The following TANC2 variants were observed in gnomAD, a reference collection of about 807,000 sequenced individuals.
TANC2 encodes the protein tetratricopeptide repeat, ankyrin repeat and coiled-coil containing 2, also known as protein TANC2.
In TANC2, 26 loss-of-function variants were observed where a neutral mutation model predicts 210.5. The observed-to-expected ratio is 0.12, with a 90% confidence interval of 0.09 to 0.17. The LOEUF is 0.17. TANC2 is among the 10% of genes least tolerant of loss of function. The pLI is 1.00. For synonymous variants in TANC2, 931 were observed against 967.1 expected (o/e 0.96, Z 0.69); for missense variants, 2,129 against 2,608.9 (o/e 0.82, Z 4.01).
intron 1 of TANC2, among the ~76,000 whole-genome samples, chr17:63,001,067 GT>G (rs1212157555): frequency 6.7e-6 from 1 of 150,324 alleles, no homozygotes; most frequent in African/African-American, 2.4e-5. Flanking sequence ...ACTTAAGTAT[GT>G]TCTCCTGGTC....
At chr17:63,173,081 C>G (rs2040458959) in intron 5 of TANC2, among the ~76,000 whole-genome samples, 1 of 152,068 alleles carries the variant, frequency 6.6e-6, no homozygotes, top group South Asian at 2.1e-4. Flanking sequence ...TAAGATCAAT[C>G]AGTGTGAGGG....
intron 8 of TANC2, among the ~76,000 whole-genome samples, chr17:63,249,153 G>A (rs1341196317): frequency 6.6e-6 from 1 of 152,152 alleles, no homozygotes; most frequent in African/African-American, 2.4e-5. Context: ...AAATGATAAA[G>A]TGATTAAAGT....
chr17:63,337,516 A>G (rs1302209439), intron 11 of TANC2, among the ~76,000 whole-genome samples: 4 of 150,596 alleles, frequency 2.7e-5, no homozygotes, highest in African/African-American at 4.9e-5. Context: ...TGCTCTTCCT[A>G]TTTCTTTTCT....
At position 63,290,456 on chromosome 17, in the gene TANC2, T is replaced by C. The variant is rs1185035818; in HGVS notation, c.1159+22583T>C. Among the ~76,000 whole-genome samples the C allele has an allele frequency of 2.0e-5, 3 of 152,134 alleles. No individual in the cohort carries two copies. The East Asian group carries it at 5.8e-4, about 29-fold the overall frequency. Reference sequence around the variant, plus strand: ...TGTTGAATTTTTAGTCTGTTCAGGTTTTTACTTGTTGTTAGGATGAAGTGG... The same window carrying C: ...TGTTGAATTTTTAGTCTGTTCAGGTCTTTACTTGTTGTTAGGATGAAGTGG... On this transcript the variant is annotated intron_variant, in intron 9 of 27. Transcript: ENST00000689528.
exon 28 of TANC2, chr17:63,423,299 A>G (rs2049069390): frequency 6.6e-6 from 1 of 152,132 alleles, no homozygotes; most frequent in Non-Finnish European, 1.5e-5. Flanking sequence ...ATAGACAGCA[A>G]GCTTCTGATC....
At chr17:63,202,360 G>A (rs1027110820) in intron 7 of TANC2, among the ~76,000 whole-genome samples, 2 of 152,044 alleles carry the variant, frequency 1.3e-5, no homozygotes, top group Non-Finnish European at 2.9e-5. Context: ...AACATAAATG[G>A]CATTTCTGGG....
At chr17:63,003,235 G>T (rs771334661) in intron 1 of TANC2, among the ~76,000 whole-genome samples, 37 of 152,142 alleles carry the variant, frequency 2.4e-4, no homozygotes, top group Non-Finnish European at 4.0e-4. Flanking sequence ...TATAATTTGG[G>T]TGTGGGTCAT....
Position 63,175,355 on chromosome 17 carries a change from G to A in TANC2, c.434-18636G>A, listed in dbSNP as rs2040539285. On this transcript the variant is annotated intron_variant, in intron 5 of 27. Coordinates refer to ENST00000689528, the Ensembl canonical transcript of TANC2. ...CAGCCCTGGCAACCTAGCAAGATCC[G>A]GTCTCTAGAAAAAATTTAAGAATTA... 2.0e-5 allele frequency among the ~76,000 whole-genome samples: 3 copies of A among 151,702 alleles called. 1 individual carries two copies. In the South Asian group the frequency reaches 6.2e-4, roughly 32 times the overall value.
chr17:63,304,163 C>G (rs1363801246), intron 9 of TANC2, among the ~76,000 whole-genome samples: 1 of 152,102 alleles, frequency 6.6e-6, no homozygotes, highest in East Asian at 1.9e-4. Flanking sequence ...GGAGAAGAGG[C>G]ACTCTGGCCT....
At chr17:63,187,575 G>A (rs2041036541) in intron 5 of TANC2, among the ~76,000 whole-genome samples, 1 of 151,926 alleles carries the variant, frequency 6.6e-6, no homozygotes, top group Non-Finnish European at 1.5e-5. Flanking sequence ...ACATATATGT[G>A]TGTGTTTGTG....
chr17:63,142,750 TA>T (rs1261242649), intron 4 of TANC2, among the ~76,000 whole-genome samples: 1 of 152,196 alleles, frequency 6.6e-6, no homozygotes, highest in African/African-American at 2.4e-5. Flanking sequence ...CATGAAACTT[TA>T]AAAAAAGATA....
intron 14 of TANC2, among the ~76,000 whole-genome samples, chr17:63,373,883 AG>A (rs1362898042): frequency 3.9e-5 from 6 of 152,114 alleles, no homozygotes; most frequent in African/African-American, 1.2e-4. Context: ...TGGGAGGCTG[AG>A]GCAGGAGAAT....
At chr17:63,259,680 C>T (rs2043300954) in intron 8 of TANC2, among the ~76,000 whole-genome samples, 1 of 152,100 alleles carries the variant, frequency 6.6e-6, no homozygotes, top group Non-Finnish European at 1.5e-5. Context: ...ACGAACTCTC[C>T]TAGAACCTTG....
intron 15 of TANC2, among the ~76,000 whole-genome samples, chr17:63,385,327 CACACATAT>C (rs2047743887): frequency 6.6e-6 from 1 of 152,094 alleles, no homozygotes; most frequent in African/African-American, 2.4e-5. Context: ...TCTTGAGGCC[CACACATAT>C]TATAAATTAG....
chr17:63,376,176 G>C (rs755969664), intron 14 of TANC2, among the ~76,000 whole-genome samples: 3 of 151,910 alleles, frequency 2.0e-5, no homozygotes, highest in Non-Finnish European at 4.4e-5. Flanking sequence ...GCTCACACCT[G>C]TAATCCCAGC....
chr17:63,312,538 C>G (rs965458248), intron 9 of TANC2, among the ~76,000 whole-genome samples: 2 of 151,804 alleles, frequency 1.3e-5, no homozygotes, highest in African/African-American at 2.4e-5. Flanking sequence ...GGCTCATTGA[C>G]GTAAAGATGG....
At chr17:63,302,566 C>CTGTTTTGTCA in intron 9 of TANC2, among the ~76,000 whole-genome samples, 1 of 81,854 alleles carries the variant, frequency 1.2e-5, no homozygotes, top group Non-Finnish European at 2.5e-5. Context: ...GGTTTAAAGT[C>CTGTTTTGTCA]TGTTTTGTCA....
chr17:63,098,313 C>G lies in TANC2; in HGVS notation c.140-862C>G, dbSNP rs981982319. Among the ~76,000 whole-genome samples, 5 of 151,776 alleles carry G rather than the reference C, an allele frequency of 3.3e-5. No individual in the cohort carries two copies. In the South Asian group the frequency reaches 1.0e-3, roughly 32 times the overall value. Reference sequence around the variant, plus strand: ...AATATTTAGAGCTGAGCTTTAGTCCCTGTGAGAACCAGTCAAGTTTCAGTT... The same window carrying G: ...AATATTTAGAGCTGAGCTTTAGTCCGTGTGAGAACCAGTCAAGTTTCAGTT... On this transcript the variant is annotated intron_variant, in intron 3 of 27. Coordinates refer to ENST00000689528, the Ensembl canonical transcript of TANC2.
At chr17:63,043,891 T>C (rs1364405539) in intron 2 of TANC2, among the ~76,000 whole-genome samples, 2 of 152,112 alleles carry the variant, frequency 1.3e-5, no homozygotes, top group Non-Finnish European at 2.9e-5. Context: ...TTAAGTTTTC[T>C]GTACTCCCCA....
Sources: allele counts gnomAD v4.1 joint callset (sites outside exome capture counted in the v4.1 genomes callset), GRCh38; gene constraint gnomAD v4.1.1; transcripts MANE v1.5; gene names NCBI Gene and HGNC (gene_info 2026-07-23, HGNC 2026-07-21).